Variants in TNPO2 observed in about 807,000 individuals in gnomAD.
The protein encoded by TNPO2 is transportin-2.
Under a neutral mutation model 111.1 loss-of-function variants are expected in TNPO2, and 16 were observed. The ratio of observed to expected loss-of-function variants is 0.14; its 90% CI spans 0.10 to 0.22. The LOEUF is 0.22. TNPO2 is among the 10% of genes least tolerant of loss of function. TNPO2 has a pLI of 1.00. For missense variants in TNPO2, 530 were observed against 1,173.7 expected (o/e 0.45, Z 8.01); for synonymous variants, 481 against 475.8 (o/e 1.01, Z -0.14).
chr19:12,709,707 A>G (rs1343543995), intron 13 of TNPO2, among the ~76,000 whole-genome samples: 1 of 146,414 alleles, frequency 6.8e-6, no homozygotes, highest in Non-Finnish European at 1.5e-5. Context: ...GGTCTTGAAC[A>G]CCTGGGCTCA....
chr19:12,701,773 G>A lies in TNPO2; in HGVS notation c.2490C>T (p.Val830=). ...CAACCTGCACAACGCCCCCCGGGTT[G>A]ACACCGATCATCATGCAGATGCCGC... ...AFRGICMMIG[V]NPGGVVQDFI... Residue 830 remains valine (V), a synonymous_variant, in exon 23 of 26, where the codon GTC becomes GTT. Transcript: ENST00000425528. The surrounding 1 kb of genome is among the most constrained non-coding windows in gnomAD (Gnocchi z 5.0). The A allele has an allele frequency of 6.2e-7, 1 of 1,613,846 alleles. No individual in the cohort carries two copies. Among genetic ancestry groups the A allele is most frequent in the South Asian group, 1.1e-5 (1 of 91,092 alleles).
At chr19:12,709,648 T>TC (rs1420404920) in intron 13 of TNPO2, among the ~76,000 whole-genome samples, 1 of 150,914 alleles carries the variant, frequency 6.6e-6, no homozygotes, top group Non-Finnish European at 1.5e-5. Context: ...TCAGGTTTTT[T>TC]TTTTTTTTTT....
intron 5 of TNPO2, among the ~76,000 whole-genome samples, chr19:12,716,270 C>T (rs924131994): frequency 6.6e-6 from 1 of 152,168 alleles, no homozygotes; most frequent in African/African-American, 2.4e-5. Context: ...CAGAGCAAAA[C>T]ACAAAATCCT....
Position 12,719,427 on chromosome 19 carries a change from AC to A in TNPO2, c.100-92del. The A allele has an allele frequency of 8.8e-7, 1 of 1,136,876 alleles. No individual in the cohort carries two copies. Among genetic ancestry groups the A allele is most frequent in the South Asian group, 1.3e-5 (1 of 76,508 alleles). The allele number at this position is 1,136,876 out of a possible 1,614,324, so 70.4% of individuals were successfully genotyped here. A position where few individuals can be genotyped will look rare whatever the true frequency, so the allele number is the denominator to read the frequency against. On this transcript the variant is annotated intron_variant, in intron 3 of 25. Transcript: ENST00000425528. The surrounding 1 kb of genome is among the most constrained non-coding windows in gnomAD (Gnocchi z 5.0). ...CCTGACACTATCTCTGACCACTGGG[AC>A]CAGGCTGCCAGCTCCTGGGGGATCC...
Position 12,702,241 on chromosome 19 carries a change from C to T in TNPO2, c.2306-64G>A, listed in dbSNP as rs1245396059. 5.5e-5 allele frequency: 78 copies of T among 1,424,744 alleles called. 1 individual carries two copies. In the South Asian group the frequency reaches 6.9e-4, roughly 13 times the overall value. The allele number at this position is 1,424,744 out of a possible 1,614,324, so 88.3% of individuals were successfully genotyped here. On this transcript the variant is annotated intron_variant, in intron 21 of 25. Transcript: ENST00000425528. The surrounding 1 kb of genome is among the most constrained non-coding windows in gnomAD (Gnocchi z 5.5). ...GCCTCTGGCACAAGGCACCAAGCCCCGCCCCATGAGCCCCAAGGGAATGGC... is the reference window on the plus strand; with the variant it reads ...GCCTCTGGCACAAGGCACCAAGCCCTGCCCCATGAGCCCCAAGGGAATGGC...
intron 18 of TNPO2, among the ~76,000 whole-genome samples, chr19:12,704,311 G>A (rs921401300): frequency 6.6e-6 from 1 of 151,698 alleles, no homozygotes; most frequent in African/African-American, 2.4e-5. Flanking sequence ...GAAGGTTGCA[G>A]TGAGCCGAGA....
chr19:12,701,407 T>C lies in TNPO2; in HGVS notation c.2633A>G (p.Gln878Arg). The C allele has an allele frequency of 6.2e-7, 1 of 1,613,940 alleles. No individual in the cohort carries two copies. The highest frequency in any genetic ancestry group is 2.2e-5 in the East Asian group (1 of 44,864). Residue 878 changes from glutamine (Q) to arginine (R), a missense_variant, in exon 25 of 26, where the codon CAG becomes CGG. Gln to Arg is a conservative substitution (Grantham distance 43). This residue lies in a region of TNPO2 where 103 missense variants were observed against 156.7 expected (regional missense o/e 0.66). Coordinates refer to ENST00000425528, the MANE Select transcript of TNPO2 (RefSeq NM_001382241.1). This position sits in a 1 kb window ranked among gnomAD's most constrained non-coding sequence, Gnocchi z 5.0. The stretch of plus-strand genomic sequence containing the variant: ...CAGCGGCGGGAATTGCTCAGAGAAC[T>C]GCTGCCAGTTATCTTCCCCAACTTG... Reference protein sequence around the residue: ...KDQVGEDNWQQFSEQFPPLLK... With the variant: ...KDQVGEDNWQRFSEQFPPLLK...
chr19:12,718,584 C>T (rs2026495192), intron 5 of TNPO2, among the ~76,000 whole-genome samples: 1 of 152,180 alleles, frequency 6.6e-6, no homozygotes, highest in Non-Finnish European at 1.5e-5. Flanking sequence ...GGATTACAGG[C>T]GTGAGCCTAT....
chr19:12,704,317 C>CG (rs1448600102), intron 18 of TNPO2, among the ~76,000 whole-genome samples: 1 of 150,686 alleles, frequency 6.6e-6, no homozygotes, highest in Non-Finnish European at 1.5e-5. Flanking sequence ...TGCAGTGAGC[C>CG]GAGATCACAC....
At position 12,711,446 on chromosome 19, in the gene TNPO2, C is replaced by T; in HGVS notation, c.967G>A (p.Asp323Asn). 1 of 1,614,002 alleles carries T rather than the reference C, an allele frequency of 6.2e-7. No individual in the cohort carries two copies. Among genetic ancestry groups the T allele is most frequent in the Non-Finnish European group, 8.5e-7 (1 of 1,179,882 alleles). ...TGCTCACTGTCGGGGACAGCCTCAT[C>T]CTCCTCCACATCCCCCTGGGGGACA... The part of the protein sequence containing the change: ...IILLKGDVEE[D>N]EAVPDSEQDI... The change falls in exon 12 of 26, where the codon GAT (aspartate) becomes AAT (asparagine). Residue 323 changes from aspartate to asparagine, a missense_variant. Transcript: ENST00000425528.
intron 10 of TNPO2, among the ~76,000 whole-genome samples, chr19:12,713,866 A>G (rs2026209938): frequency 6.6e-6 from 1 of 152,032 alleles, no homozygotes; most frequent in African/African-American, 2.4e-5. Flanking sequence ...CATCTCTACT[A>G]AAACTTAGAA....
Position 12,706,899 on chromosome 19 carries a change from CT to C in TNPO2, c.1271-105del. On this transcript the variant is annotated intron_variant, in intron 13 of 25. Coordinates refer to ENST00000425528, the MANE Select transcript of TNPO2 (RefSeq NM_001382241.1). The surrounding 1 kb of genome is among the most constrained non-coding windows in gnomAD (Gnocchi z 7.0). ...CACACAACATATAGGGAAACTGAGG[CT>C]TAGAGTTTAAATCACTGGCCCAGAC... The C allele has an allele frequency of 1.0e-6, 1 of 991,714 alleles. No individual in the cohort carries two copies. Among genetic ancestry groups the C allele is most frequent in the Non-Finnish European group, 1.5e-6 (1 of 660,802 alleles). The allele number at this position is 991,714 out of a possible 1,614,324, so 61.4% of individuals were successfully genotyped here.
rs773012829 is a variant in TNPO2, at chr19:12,719,246, G to T, written c.175+15C>A. 1 of 1,613,952 alleles carries T rather than the reference G, an allele frequency of 6.2e-7. No individual in the cohort carries two copies. Among genetic ancestry groups the T allele is most frequent in the Non-Finnish European group, 8.5e-7 (1 of 1,179,850 alleles). Reference sequence around the variant, plus strand: ...AGCAGGGTCCCGATCGCATGGAAGGGAGCAGAGGGCGTACCTTCTGACTTG... The same window carrying T: ...AGCAGGGTCCCGATCGCATGGAAGGTAGCAGAGGGCGTACCTTCTGACTTG... On this transcript the variant is annotated intron_variant, in intron 4 of 25. Coordinates refer to ENST00000425528, the MANE Select transcript of TNPO2 (RefSeq NM_001382241.1). The surrounding 1 kb of genome is among the most constrained non-coding windows in gnomAD (Gnocchi z 5.0).
chr19:12,702,028 C>CA lies in TNPO2; in HGVS notation c.2411+43dup. 1 of 1,578,944 alleles carries CA rather than the reference C, an allele frequency of 6.3e-7. No homozygotes were observed. Among genetic ancestry groups the CA allele is most frequent in the Non-Finnish European group, 8.7e-7 (1 of 1,148,666 alleles). ...GCACAGGCGAGGGAGGGGGTTGGGC[C>CA]AGTCCCGCCCACCACACAGCAGGCT... On this transcript the variant is annotated intron_variant, in intron 22 of 25. Coordinates refer to ENST00000425528, the MANE Select transcript of TNPO2 (RefSeq NM_001382241.1). This position sits in a 1 kb window ranked among gnomAD's most constrained non-coding sequence, Gnocchi z 5.5.
At chr19:12,710,850 AG>A (rs2025996112) in intron 12 of TNPO2, 77 bp from the exon 13 acceptor site, 3 of 1,333,110 alleles carry the variant, frequency 2.3e-6, no homozygotes, top group Non-Finnish European at 3.1e-6. Flanking sequence ...CTGCACTCCC[AG>A]GATCAGAGAT....
In TNPO2 at chr19:12,702,951, C is replaced by T. The variant is rs751636211; in HGVS notation, c.2210-33G>A. The T allele has an allele frequency of 1.3e-6, 2 of 1,597,904 alleles. No homozygotes were observed. Among genetic ancestry groups the T allele is most frequent in the Admixed American group, 1.7e-5 (1 of 59,564 alleles). ...AGCACCCAGTCAGAGCCCTGCACAG[C>T]CCCCGCCACCCACAGGGGCCAGGGG... On this transcript the variant is annotated intron_variant, in intron 20 of 25. Transcript: ENST00000425528. The surrounding 1 kb of genome is among the most constrained non-coding windows in gnomAD (Gnocchi z 5.5).
rs1422626974 is a variant in TNPO2 at position 12,703,408 on chromosome 19, G to A, written c.2209+20C>T. The A allele has an allele frequency of 6.2e-7, 1 of 1,610,142 alleles. No homozygotes were observed. Among genetic ancestry groups the A allele is most frequent in the East Asian group, 2.2e-5 (1 of 44,858 alleles). On this transcript the variant is annotated intron_variant, in intron 20 of 25. Transcript: ENST00000425528. ...AACAGGCTAATGGGGGGCGCGTGTTGCCACTTGCAGGGCACTCACCCATCT... is the reference window on the plus strand; with the variant it reads ...AACAGGCTAATGGGGGGCGCGTGTTACCACTTGCAGGGCACTCACCCATCT...
At position 12,701,915 on chromosome 19, in the gene TNPO2, G is replaced by A; in HGVS notation, c.2412-64C>T. On this transcript the variant is annotated intron_variant, in intron 22 of 25. Transcript: ENST00000425528. The surrounding 1 kb of genome is among the most constrained non-coding windows in gnomAD (Gnocchi z 5.0). The stretch of plus-strand genomic sequence containing the variant: ...TGGGCATGCATCTGTGGAGGGCTGG[G>A]TCACTGGGGATCAGTGAGTGGGCCT... 4 of 1,493,236 alleles carry A rather than the reference G, an allele frequency of 2.7e-6. No individual in the cohort carries two copies. In the South Asian group the frequency reaches 4.5e-5, roughly 17 times the overall value. 92.5% of individuals were successfully genotyped at this position (1,493,236 alleles called of 1,614,324 possible). A position where few individuals can be genotyped will look rare whatever the true frequency, so the allele number is the denominator to read the frequency against.
chr19:12,707,753 T>C (rs890477454), intron 13 of TNPO2, among the ~76,000 whole-genome samples: 7 of 151,916 alleles, frequency 4.6e-5, no homozygotes, highest in Non-Finnish European at 8.8e-5. Flanking sequence ...CCCAGAGTGC[T>C]GCGATTATAG....
Sources: gnomAD v4.1 joint callset for allele counts (sites outside exome capture counted in the v4.1 genomes callset) on GRCh38, gnomAD v4.1.1 for gene constraint, gnomAD v4.1.1 regional missense constraint, Gnocchi (gnomAD v3.1) non-coding constraint, MANE v1.5 for transcripts, NCBI Gene and HGNC (gene_info 2026-07-23, HGNC 2026-07-21) for gene names.